HHIPL1: variants seen among roughly 807,000 people sequenced by gnomAD.
The protein encoded by HHIPL1 is HHIP-like protein 1.
Under a neutral mutation model 61.8 loss-of-function variants are expected in HHIPL1, and 43 were observed. The observed-to-expected ratio is 0.70, with a 90% confidence interval of 0.55 to 0.90. The LOEUF is 0.90. HHIPL1 is among the 40% of genes least tolerant of loss of function. HHIPL1 has a pLI of 0.00. For missense variants in HHIPL1, 1,056 were observed against 1,157.7 expected, an observed-to-expected ratio of 0.91 and a Z score of 1.28; for synonymous variants, 482 against 515.8, an observed-to-expected ratio of 0.93 and a Z score of 0.89.
At chr14:99,659,817 T>A in intron 4 of HHIPL1, 61 bp downstream of exon 4, 4 of 754,266 alleles carry the variant, frequency 5.3e-6, no homozygotes, top group Non-Finnish European at 6.6e-6. Context: ...CCCCACCTGC[T>A]GTGCCGCAGG....
chr14:99,606,532 C>T, the HHIPL1 span, among the ~76,000 whole-genome samples: 1 of 152,242 alleles, frequency 6.6e-6, no homozygotes, highest in East Asian at 1.9e-4. Flanking sequence ...AGAACCCCCT[C>T]CCCGTTCGTG....
intron 6 of HHIPL1, among the ~76,000 whole-genome samples, chr14:99,667,090 C>T (rs1203213239): frequency 6.6e-6 from 1 of 152,250 alleles, no homozygotes; most frequent in Non-Finnish European, 1.5e-5. Flanking sequence ...GGAAACCCCC[C>T]TCCCTGCCCC....
chr14:99,675,304 TGCGGCCCGCGGGCCTGAGCTCTGGCA>T lies in HHIPL1; in HGVS notation c.2032_2057del (p.Pro678AlafsTer131). 3 of 1,328,372 alleles carry T rather than the reference TGCGGCCCGCGGGCCTGAGCTCTGGCA, an allele frequency of 2.3e-6. No individual in the cohort carries two copies. Among genetic ancestry groups the T allele is most frequent in the Non-Finnish European group, 2.9e-6 (3 of 1,040,040 alleles). The allele number at this position is 1,328,372 out of a possible 1,614,324, so 82.3% of individuals were successfully genotyped here. A position where few individuals can be genotyped will look rare whatever the true frequency, so the allele number is the denominator to read the frequency against. ...TTCCGGGATGGCGAGGTGCGCCTGG[TGCGGCCCGCGGGCCTGAGCTCTGGCA>T]GCGGGCGCGTGGAGGTGTTCGTGGG... On this transcript the variant is annotated frameshift_variant, in exon 9 of 9. Coordinates refer to ENST00000330710, the MANE Select transcript of HHIPL1 (RefSeq NM_001127258.3). LOFTEE classifies it low-confidence loss of function (END_TRUNC). The surrounding 1 kb of genome is among the most constrained non-coding windows in gnomAD (Gnocchi z 5.4).
At chr14:99,637,042 AG>A in the HHIPL1 span, among the ~76,000 whole-genome samples, 1 of 121,732 alleles carries the variant, frequency 8.2e-6, no homozygotes. Context: ...AAAGAAAGAA[AG>A]AAAGAAGGAA....
chr14:99,604,599 G>A, the HHIPL1 span: 1 of 152,108 alleles, frequency 6.6e-6, no homozygotes, highest in African/African-American at 2.4e-5. Context: ...GGGCTACAGG[G>A]CGCTTTTAAA....
intron 1 of HHIPL1, among the ~76,000 whole-genome samples, chr14:99,649,454 T>A (rs1186442132): frequency 2.0e-5 from 3 of 152,182 alleles, no homozygotes; most frequent in Non-Finnish European, 4.4e-5. Flanking sequence ...TTTGGCTACT[T>A]CTTGGCACGT....
intron 1 of HHIPL1, among the ~76,000 whole-genome samples, chr14:99,648,079 G>C (rs1254856728): frequency 6.6e-6 from 1 of 152,164 alleles, no homozygotes; most frequent in Non-Finnish European, 1.5e-5. Flanking sequence ...AGGCAGCCCT[G>C]TGCTGGATGC....
the HHIPL1 span, among the ~76,000 whole-genome samples, chr14:99,613,321 G>GT: frequency 2.0e-5 from 3 of 151,084 alleles, no homozygotes; most frequent in Non-Finnish European, 3.0e-5. Context: ...CATACATGTG[G>GT]TTTTTTTTAA....
At chr14:99,665,307 G>C (rs1433710576) in intron 6 of HHIPL1, among the ~76,000 whole-genome samples, 1 of 152,176 alleles carries the variant, frequency 6.6e-6, no homozygotes, top group Non-Finnish European at 1.5e-5. Flanking sequence ...CTGATTGAGT[G>C]GGGAGGGCCA....
At chr14:99,628,301 C>T in the HHIPL1 span, among the ~76,000 whole-genome samples, 1 of 152,030 alleles carries the variant, frequency 6.6e-6, no homozygotes, top group African/African-American at 2.4e-5. Context: ...CACCAACAGC[C>T]GGGGGCGGTG....
At chr14:99,609,875 G>A in the HHIPL1 span, among the ~76,000 whole-genome samples, 1 of 152,370 alleles carries the variant, frequency 6.6e-6, no homozygotes, top group East Asian at 1.9e-4. Context: ...GCAGTGGGGA[G>A]CCACAGAAAG....
At chr14:99,644,526 G>A (rs1188563869), upstream of HHIPL1, among the ~76,000 whole-genome samples, 1 of 152,126 alleles carries the variant, frequency 6.6e-6, no homozygotes, top group Non-Finnish European at 1.5e-5. Context: ...AGGGCTGGAT[G>A]CCCATCCCAG....
At chr14:99,667,327 T>C (rs963000277) in intron 6 of HHIPL1, among the ~76,000 whole-genome samples, 4 of 151,738 alleles carry the variant, frequency 2.6e-5, no homozygotes, top group African/African-American at 9.7e-5. Flanking sequence ...GCCTCTTTTT[T>C]TTTTTTCTCA....
At chr14:99,606,555 T>G in the HHIPL1 span, among the ~76,000 whole-genome samples, 1 of 152,218 alleles carries the variant, frequency 6.6e-6, no homozygotes, top group Non-Finnish European at 1.5e-5. Flanking sequence ...TGGCTCCTGG[T>G]GGTTCCTGGG....
At chr14:99,673,531 A>G (rs1373679945) in intron 8 of HHIPL1, among the ~76,000 whole-genome samples, 1 of 88,782 alleles carries the variant, frequency 1.1e-5, no homozygotes, top group Admixed American at 1.3e-4. Context: ...TGAAAAGAAG[A>G]GGAAGGGTGC....
At chr14:99,662,110 C>G (rs2056161720) in intron 5 of HHIPL1, among the ~76,000 whole-genome samples, 1 of 152,108 alleles carries the variant, frequency 6.6e-6, no homozygotes, top group Non-Finnish European at 1.5e-5. Flanking sequence ...CAGTATTTTC[C>G]CAGCCGCTCT....
At chr14:99,670,703 T>G (rs1006257565) in intron 7 of HHIPL1, among the ~76,000 whole-genome samples, 1 of 152,212 alleles carries the variant, frequency 6.6e-6, no homozygotes, top group African/African-American at 2.4e-5. Context: ...TTTATGTGGT[T>G]GTATTTGGAT....
the HHIPL1 span, among the ~76,000 whole-genome samples, chr14:99,621,443 G>A: frequency 2.0e-5 from 3 of 152,200 alleles, no homozygotes; most frequent in Non-Finnish European, 2.9e-5. Flanking sequence ...TGGGATGCCT[G>A]TTCCTGGGTG....
At chr14:99,616,993 G>A in the HHIPL1 span, among the ~76,000 whole-genome samples, 2 of 152,158 alleles carry the variant, frequency 1.3e-5, no homozygotes, top group African/African-American at 4.8e-5. Context: ...CAGGGAGTGT[G>A]CGATCACCCA....
Sources: gnomAD v4.1 joint callset for allele counts (sites outside exome capture counted in the v4.1 genomes callset) on GRCh38, gnomAD v4.1.1 for gene constraint, Gnocchi (gnomAD v3.1) non-coding constraint, MANE v1.5 for transcripts, NCBI Gene and HGNC (gene_info 2026-07-23, HGNC 2026-07-21) for gene names.